B3GLCT: variants seen among roughly 807,000 people sequenced by gnomAD.
The protein encoded by B3GLCT is beta-1,3-glucosyltransferase.
A neutral mutation model predicts 63.4 loss-of-function variants in B3GLCT; 65 were observed. The observed-to-expected ratio is 1.03, with a 90% confidence interval of 0.84 to 1.26. The LOEUF is 1.26. Ranked by LOEUF, B3GLCT falls within the 50% of genes most tolerant of loss-of-function variation. B3GLCT has a pLI of 0.00. For synonymous variants in B3GLCT, 233 were observed against 219.2 expected (o/e 1.06, Z -0.55); for missense variants, 577 against 604.8 (o/e 0.95, Z 0.48).
intron 13 of B3GLCT, among the ~76,000 whole-genome samples, chr13:31,319,219 A>C (rs1450581882): frequency 6.6e-6 from 1 of 152,088 alleles, no homozygotes; most frequent in African/African-American, 2.4e-5. Context: ...GGCACCTTTA[A>C]CTTCTGTGCT....
chr13:31,286,967 A>G (rs1167297771), intron 12 of B3GLCT, 148 bp downstream of exon 12: 6 of 570,716 alleles, frequency 1.1e-5, no homozygotes, highest in Non-Finnish European at 6.2e-6. Flanking sequence ...GGAACAAAAT[A>G]TATAAAACAA....
chr13:31,224,306 A>G (rs114457521), intron 3 of B3GLCT, among the ~76,000 whole-genome samples: 110 of 152,238 alleles, frequency 7.2e-4, no homozygotes, highest in African/African-American at 2.6e-3. Context: ...TTTGTAGTTT[A>G]TGGGAGCAGA....
intron 11 of B3GLCT, among the ~76,000 whole-genome samples, chr13:31,285,075 C>T (rs1873254071): frequency 6.6e-6 from 1 of 152,154 alleles, no homozygotes; most frequent in Admixed American, 6.5e-5. Flanking sequence ...CCACATAAAG[C>T]TTCTCTCCTT....
intron 13 of B3GLCT, among the ~76,000 whole-genome samples, chr13:31,322,410 T>A (rs1242165174): frequency 6.6e-6 from 1 of 152,248 alleles, no homozygotes; most frequent in African/African-American, 2.4e-5. Flanking sequence ...CATTTGTATA[T>A]TGTATATTGA....
At chr13:31,262,945 C>T (rs1872111390) in intron 7 of B3GLCT, among the ~76,000 whole-genome samples, 1 of 152,204 alleles carries the variant, frequency 6.6e-6, no homozygotes, top group South Asian at 2.1e-4. Flanking sequence ...GCCTGTTTCT[C>T]TCCCATTTCC....
At chr13:31,227,297 G>A (rs1221741380) in intron 3 of B3GLCT, among the ~76,000 whole-genome samples, 1 of 151,902 alleles carries the variant, frequency 6.6e-6, no homozygotes, top group Non-Finnish European at 1.5e-5. Flanking sequence ...GAATTTCTGG[G>A]TCATTGGGAA....
At chr13:31,273,672 G>A (rs990752646) in intron 8 of B3GLCT, among the ~76,000 whole-genome samples, 19 of 151,990 alleles carry the variant, frequency 1.3e-4, no homozygotes, top group Admixed American at 1.2e-3. Context: ...AATCCTCTGA[G>A]CCGTATATTA....
At chr13:31,310,942 A>G (rs959460889) in intron 12 of B3GLCT, among the ~76,000 whole-genome samples, 2 of 152,166 alleles carry the variant, frequency 1.3e-5, no homozygotes, top group Non-Finnish European at 2.9e-5. Context: ...GGCCAATAAC[A>G]TGAGCTAAGC....
intron 4 of B3GLCT, among the ~76,000 whole-genome samples, chr13:31,234,981 G>A (rs1314756996): frequency 6.6e-6 from 1 of 152,126 alleles, no homozygotes; most frequent in African/African-American, 2.4e-5. Context: ...AAGGTCGTGG[G>A]ACTAGTCTTG....
intron 10 of B3GLCT, among the ~76,000 whole-genome samples, chr13:31,277,495 A>G (rs574148781): frequency 6.6e-6 from 1 of 152,040 alleles, no homozygotes; most frequent in East Asian, 1.9e-4. Flanking sequence ...AGTCTTTTGC[A>G]TTTTCTAATT....
chr13:31,208,584 C>G (rs1473726840), intron 1 of B3GLCT, among the ~76,000 whole-genome samples: 1 of 125,460 alleles, frequency 8.0e-6, no homozygotes, highest in African/African-American at 2.7e-5. Flanking sequence ...CCCGGGTGCT[C>G]TGTCTCAGAG....
chr13:31,267,075 C>T (rs1446633452), intron 7 of B3GLCT, among the ~76,000 whole-genome samples: 2 of 152,200 alleles, frequency 1.3e-5, no homozygotes, highest in Non-Finnish European at 2.9e-5. Flanking sequence ...GAAATTCTAT[C>T]AGTGGTTTTC....
At chr13:31,289,622 A>G (rs1593299484) in intron 12 of B3GLCT, among the ~76,000 whole-genome samples, 1 of 151,402 alleles carries the variant, frequency 6.6e-6, no homozygotes, top group Non-Finnish European at 1.5e-5. Context: ...GCTAAAAGAA[A>G]AAAAAAAAGC....
chr13:31,234,919 C>T (rs1477786518), intron 4 of B3GLCT, among the ~76,000 whole-genome samples: 1 of 152,062 alleles, frequency 6.6e-6, no homozygotes, highest in Non-Finnish European at 1.5e-5. Flanking sequence ...CCCTGGTGGC[C>T]TTAGGGAGAA....
intron 6 of B3GLCT, among the ~76,000 whole-genome samples, chr13:31,254,111 G>T (rs1355373053): frequency 6.6e-6 from 1 of 152,126 alleles, no homozygotes; most frequent in Non-Finnish European, 1.5e-5. Context: ...AAGAGGAGCT[G>T]GTACCATTCC....
rs1193703123 is a variant in B3GLCT at position 31,329,818 on chromosome 13, T to A, written c.*150T>A. 1.2e-6 allele frequency: 1 copy of A among 862,712 alleles called. No individual in the cohort carries two copies. Among genetic ancestry groups the A allele is most frequent in the Non-Finnish European group, 1.8e-6 (1 of 548,104 alleles). The allele number at this position is 862,712 out of a possible 1,614,324, so 53.4% of individuals were successfully genotyped here. A position where few individuals can be genotyped will look rare whatever the true frequency, so the allele number is the denominator to read the frequency against. On this transcript the variant is annotated 3_prime_UTR_variant, in exon 15 of 15. Coordinates refer to ENST00000343307, the MANE Select transcript of B3GLCT (RefSeq NM_194318.4). ...GGGAGATTTTATGTATGGTATTTTTTGACAGAGGAAGAAAAGGGGTCACAG... is the reference window on the plus strand; with the variant it reads ...GGGAGATTTTATGTATGGTATTTTTAGACAGAGGAAGAAAAGGGGTCACAG...
intron 1 of B3GLCT, among the ~76,000 whole-genome samples, chr13:31,201,471 G>A (rs1257621644): frequency 2.0e-5 from 3 of 152,176 alleles, no homozygotes; most frequent in Non-Finnish European, 4.4e-5. Context: ...ACTGAATTTG[G>A]CTGGAATCGG....
intron 8 of B3GLCT, among the ~76,000 whole-genome samples, chr13:31,269,984 T>C (rs527410100): frequency 3.9e-5 from 6 of 152,248 alleles, no homozygotes; most frequent in South Asian, 2.1e-4. Context: ...GACGTATGCC[T>C]TTGTTGTGTG....
At chr13:31,308,332 T>TAAAAAAAAAAATTTAAAAAAAAAAA (rs1874492000) in intron 12 of B3GLCT, among the ~76,000 whole-genome samples, 1 of 32,832 alleles carries the variant, frequency 3.0e-5, no homozygotes, top group African/African-American at 7.0e-5. Flanking sequence ...TAGAGTATAA[T>TAAAAAAAAAAATTTAAAAAAAAAAA]AAAAAAAAAA....
Sources: allele counts gnomAD v4.1 joint callset (sites outside exome capture counted in the v4.1 genomes callset), GRCh38; gene constraint gnomAD v4.1.1; transcripts MANE v1.5; gene names NCBI Gene and HGNC (gene_info 2026-07-23, HGNC 2026-07-21).